The following YAF2 variants were observed in gnomAD, a reference collection of about 807,000 sequenced individuals.
YAF2 encodes the protein YY1-associated factor 2.
A neutral mutation model predicts 20.1 loss-of-function variants in YAF2; 7 were observed. The ratio of observed to expected loss-of-function variants is 0.35; its 90% CI spans 0.20 to 0.65. The LOEUF is 0.65. Ranked by LOEUF, YAF2 falls within the 30% of genes least tolerant of loss-of-function variation. YAF2 has a pLI of 0.69. For synonymous variants in YAF2, 74 were observed against 76.0 expected (o/e 0.97, Z 0.14); for missense variants, 151 against 219.2 (o/e 0.69, Z 1.96).
intron 2 of YAF2, chr12:42,232,883 T>C: frequency 3.0e-6 from 3 of 985,328 alleles, no homozygotes; most frequent in Non-Finnish European, 3.6e-6. Flanking sequence ...AAACAACATA[T>C]ATTTTTAATG....
Position 42,238,211 on chromosome 12 carries a change from C to A in YAF2, c.-31G>T. The stretch of plus-strand genomic sequence containing the variant: ...GGCTATCACCGCACGCCGAGAGTCG[C>A]CGCCGCGACCGCTCTGTTTGTCAAT... On this transcript the variant is annotated 5_prime_UTR_variant, in exon 1 of 4. Coordinates refer to ENST00000534854, the MANE Select transcript of YAF2 (RefSeq NM_005748.6). The A allele has an allele frequency of 6.6e-7, 1 of 1,513,500 alleles. No individual in the cohort carries two copies. Among genetic ancestry groups the A allele is most frequent in the Non-Finnish European group, 8.9e-7 (1 of 1,127,730 alleles). 93.8% of individuals were successfully genotyped at this position (1,513,500 alleles called of 1,614,324 possible). A position where few individuals can be genotyped will look rare whatever the true frequency, so the allele number is the denominator to read the frequency against.
chr12:42,161,435 T>G (rs1365092459), intron 3 of YAF2, 178 bp downstream of exon 3: 1 of 558,390 alleles, frequency 1.8e-6, no homozygotes, highest in African/African-American at 2.0e-5. Context: ...CTTGTATTTC[T>G]GGCTTCTGTG....
At chr12:42,214,193 T>C (rs1384478601) in intron 2 of YAF2, among the ~76,000 whole-genome samples, 1 of 152,256 alleles carries the variant, frequency 6.6e-6, no homozygotes, top group Non-Finnish European at 1.5e-5. Flanking sequence ...CACTATGCAC[T>C]AGTCTTTGCT....
intron 2 of YAF2, among the ~76,000 whole-genome samples, chr12:42,191,430 A>G (rs1282769098): frequency 1.3e-5 from 2 of 152,004 alleles, no homozygotes; most frequent in African/African-American, 4.8e-5. Flanking sequence ...TTTACTTCCA[A>G]TCCCCCTAGT....
chr12:42,202,467 T>C (rs1376183529), intron 2 of YAF2, among the ~76,000 whole-genome samples: 1 of 152,202 alleles, frequency 6.6e-6, no homozygotes. Flanking sequence ...TCTATCACTA[T>C]AGATTATTTC....
chr12:42,175,643 G>A lies in YAF2; in HGVS notation c.153-13878C>T, dbSNP rs537044262. Among the ~76,000 whole-genome samples, 5 of 145,380 alleles carry A rather than the reference G, an allele frequency of 3.4e-5. No individual in the cohort carries two copies. In the South Asian group the frequency reaches 1.1e-3, roughly 32 times the overall value. On this transcript the variant is annotated intron_variant, in intron 2 of 3. Coordinates refer to ENST00000534854, the MANE Select transcript of YAF2 (RefSeq NM_005748.6). ...TGTAATCCCAGCACTATGGGAGGCC[G>A]AGGTGGGCAGATCATGAGGTCAAAA...
intron 2 of YAF2, among the ~76,000 whole-genome samples, chr12:42,224,534 C>A (rs182736228): frequency 1.3e-5 from 2 of 152,106 alleles, no homozygotes; most frequent in African/African-American, 2.4e-5. Flanking sequence ...TCTAGCCCCC[C>A]ACCCCGCGAC....
chr12:42,210,423 A>G (rs2067173088), intron 2 of YAF2: 2 of 1,533,870 alleles, frequency 1.3e-6, no homozygotes, highest in Non-Finnish European at 1.7e-6. Flanking sequence ...TCTGTTCAGC[A>G]TGAGAATCTT....
intron 2 of YAF2, chr12:42,234,662 ATTAT>A (rs778691185): frequency 2.0e-5 from 20 of 984,510 alleles, no homozygotes; most frequent in African/African-American, 7.0e-5. Context: ...TGAACTTAAT[ATTAT>A]TTAAAGAAAA....
At chr12:42,227,225 A>G (rs2067745140) in intron 2 of YAF2, among the ~76,000 whole-genome samples, 1 of 138,466 alleles carries the variant, frequency 7.2e-6, no homozygotes, top group Non-Finnish European at 1.5e-5. Flanking sequence ...TTGGCCTCCC[A>G]AAGTGCCGAG....
rs2068241761 is a variant in YAF2 at position 42,238,088 on chromosome 12, AC to A, written c.26+66del. 7 of 1,274,060 alleles carry A rather than the reference AC, an allele frequency of 5.5e-6. No individual in the cohort carries two copies. The African/African-American group carries it at 1.1e-4, about 21-fold the overall frequency. The allele number at this position is 1,274,060 out of a possible 1,614,324, so 78.9% of individuals were successfully genotyped here. On this transcript the variant is annotated intron_variant, in intron 1 of 3. Transcript: ENST00000534854. The stretch of plus-strand genomic sequence containing the variant: ...TGCCCGGGCGGCTAGCGAGGCGGCC[AC>A]CCGAAGCCCTGCACGAGGGCCCTGC...
intron 2 of YAF2, among the ~76,000 whole-genome samples, chr12:42,193,421 T>C (rs1458656162): frequency 6.6e-6 from 1 of 152,190 alleles, no homozygotes; most frequent in African/African-American, 2.4e-5. Context: ...ATATTTTTTA[T>C]TGCTATTTCA....
At chr12:42,194,361 CG>C (rs1421238050) in intron 2 of YAF2, among the ~76,000 whole-genome samples, 1 of 152,030 alleles carries the variant, frequency 6.6e-6, no homozygotes, top group African/African-American at 2.4e-5. Flanking sequence ...AAATCTAAGC[CG>C]GCCAGGCAGG....
At chr12:42,205,576 T>C (rs2067018131) in intron 2 of YAF2, among the ~76,000 whole-genome samples, 1 of 152,166 alleles carries the variant, frequency 6.6e-6, no homozygotes, top group African/African-American at 2.4e-5. Flanking sequence ...GCTTTCACCA[T>C]CTTGGCCAGG....
At chr12:42,221,329 T>C (rs1332353507) in intron 2 of YAF2, among the ~76,000 whole-genome samples, 2 of 152,060 alleles carry the variant, frequency 1.3e-5, no homozygotes, top group Admixed American at 6.5e-5. Context: ...TCTCAATACT[T>C]TGGGAGGCTG....
chr12:42,165,503 G>A (rs1873684), intron 2 of YAF2, among the ~76,000 whole-genome samples: 3,562 of 151,874 alleles, frequency 0.023, 136 homozygotes, highest in African/African-American at 0.082. Flanking sequence ...TAGCTCTGTC[G>A]CCCAGGCTGG....
intron 2 of YAF2, among the ~76,000 whole-genome samples, chr12:42,216,143 A>C (rs1421736379): frequency 6.6e-6 from 1 of 152,128 alleles, no homozygotes; most frequent in Non-Finnish European, 1.5e-5. Context: ...TATCCTTGGG[A>C]AACAAAGTTA....
Position 42,235,173 on chromosome 12 carries a change from G to A in YAF2, c.152+2426C>T, listed in dbSNP as rs189221460. On this transcript the variant is annotated intron_variant, in intron 2 of 3. Coordinates refer to ENST00000534854, the MANE Select transcript of YAF2 (RefSeq NM_005748.6). The stretch of plus-strand genomic sequence containing the variant: ...CAAAGGATTCAAATCCCATCTGTGC[G>A]TCACACAAACAAATCATTAGCAAAC... 27 of 990,206 alleles carry A rather than the reference G, an allele frequency of 2.7e-5. 1 individual carries two copies. The highest frequency in any genetic ancestry group is 2.3e-4 in the African/African-American group (13 of 57,374). The allele number at this position is 990,206 out of a possible 1,614,324, so 61.3% of individuals were successfully genotyped here.
intron 2 of YAF2, chr12:42,235,397 C>A (rs567279976): frequency 1.8e-4 from 184 of 1,031,436 alleles, no homozygotes; most frequent in Non-Finnish European, 2.1e-4. Context: ...TATTAATATT[C>A]TGTGATGCAA....
Sources: gnomAD v4.1 joint callset for allele counts (sites outside exome capture counted in the v4.1 genomes callset) on GRCh38, gnomAD v4.1.1 for gene constraint, MANE v1.5 for transcripts, NCBI Gene and HGNC (gene_info 2026-07-23, HGNC 2026-07-21) for gene names.